The following ROCK1 variants were observed in gnomAD, a reference collection of about 807,000 sequenced individuals.
ROCK1 encodes rho-associated protein kinase 1.
Under a neutral mutation model 196.8 loss-of-function variants are expected in ROCK1, and 36 were observed. The observed-to-expected ratio is 0.18, with a 90% CI of 0.14 to 0.24. The LOEUF (loss-of-function observed/expected upper bound fraction) is 0.24. Ranked by LOEUF, ROCK1 falls within the 10% of genes least tolerant of loss-of-function variation. The probability of loss-of-function intolerance (pLI) is 1.00; values close to 1 mark genes in which losing one functional copy is unlikely to be tolerated. For missense variants in ROCK1, 920 were observed against 1,562.0 expected (o/e 0.59, Z 6.93); for synonymous variants, 443 against 515.9 (o/e 0.86, Z 1.91).
intron 1 of ROCK1, among the ~76,000 whole-genome samples, chr18:21,075,330 G>A (rs1301151233): frequency 6.6e-6 from 1 of 152,168 alleles, no homozygotes; most frequent in Non-Finnish European, 1.5e-5. Context: ...AAGAGGAACA[G>A]GAAGGGTTGA....
chr18:21,098,635 C>CAA (rs56405711), intron 1 of ROCK1, among the ~76,000 whole-genome samples: 1,801 of 140,950 alleles, frequency 0.013, 38 homozygotes, highest in African/African-American at 0.044. Context: ...TGAAAAATTG[C>CAA]AAAAAAAAAA....
At chr18:21,033,386 G>A (rs552224046) in intron 9 of ROCK1, among the ~76,000 whole-genome samples, 14 of 152,112 alleles carry the variant, frequency 9.2e-5, no homozygotes, top group African/African-American at 2.7e-4. Flanking sequence ...TATATTCAGC[G>A]GTGAAAGACT....
At chr18:20,955,388 C>T (rs1203571255) in intron 29 of ROCK1, 143 bp from the exon 30 acceptor site, 3 of 986,588 alleles carry the variant, frequency 3.0e-6, no homozygotes, top group Admixed American at 3.3e-5. Context: ...AAATTAAAAC[C>T]ACAATAAGTG....
chr18:20,987,241 A>C (rs2035586079), intron 18 of ROCK1, 131 bp from the exon 19 acceptor site: 3 of 712,064 alleles, frequency 4.2e-6, no homozygotes, highest in African/African-American at 1.8e-5. Flanking sequence ...AGAGCTAGTA[A>C]TTATAGAAAT....
intron 2 of ROCK1, among the ~76,000 whole-genome samples, chr18:21,058,121 T>C (rs2036259680): frequency 6.6e-6 from 1 of 152,174 alleles, no homozygotes; most frequent in Non-Finnish European, 1.5e-5. Flanking sequence ...CATAATTATA[T>C]ACTGATACAC....
intron 2 of ROCK1, among the ~76,000 whole-genome samples, chr18:21,057,123 C>A (rs1016693206): frequency 1.8e-4 from 27 of 152,200 alleles, no homozygotes; most frequent in African/African-American, 5.6e-4. Context: ...AATCACAAAT[C>A]TGGTAAGTCT....
At chr18:20,972,442 G>T (rs1216647765) in intron 22 of ROCK1, among the ~76,000 whole-genome samples, 1 of 152,132 alleles carries the variant, frequency 6.6e-6, no homozygotes, top group Non-Finnish European at 1.5e-5. Context: ...ATTCAAGGGA[G>T]GATGTACTTG....
intron 18 of ROCK1, among the ~76,000 whole-genome samples, chr18:20,990,693 CAAAAAAAAAAA>C (rs1170099682): frequency 3.1e-4 from 7 of 22,584 alleles, no homozygotes; most frequent in Non-Finnish European, 5.8e-4. Flanking sequence ...AACTTCGTCT[CAAAAAAAAAAA>C]AAAAAAAAAA....
At chr18:20,971,591 G>A (rs1366227856) in intron 22 of ROCK1, among the ~76,000 whole-genome samples, 2 of 151,552 alleles carry the variant, frequency 1.3e-5, no homozygotes, top group East Asian at 3.9e-4. Context: ...CAAAAAATTA[G>A]CCAGGTGTGG....
chr18:21,032,139 T>C (rs1159410445), intron 9 of ROCK1, among the ~76,000 whole-genome samples: 3 of 152,008 alleles, frequency 2.0e-5, no homozygotes. Flanking sequence ...TATGAAAAAC[T>C]CCAAAAGCTC....
At chr18:21,043,253 C>T (rs1345626464) in intron 6 of ROCK1, among the ~76,000 whole-genome samples, 1 of 151,968 alleles carries the variant, frequency 6.6e-6, no homozygotes, top group South Asian at 2.1e-4. Flanking sequence ...CAAATACAAA[C>T]TGGGGAAGCA....
At chr18:20,953,342 C>T in intron 32 of ROCK1, 2 of 354,534 alleles carry the variant, frequency 5.6e-6, no homozygotes, top group Non-Finnish European at 1.0e-5. Flanking sequence ...CCATGTACAG[C>T]AACTTATGAC....
chr18:21,010,607 A>G (rs1273144436), intron 13 of ROCK1, among the ~76,000 whole-genome samples: 1 of 152,060 alleles, frequency 6.6e-6, no homozygotes, highest in Non-Finnish European at 1.5e-5. Flanking sequence ...AGTGCTTTCA[A>G]ATGTGTTTGT....
chr18:21,036,705 G>A (rs1470869137), intron 9 of ROCK1, among the ~76,000 whole-genome samples: 9 of 152,042 alleles, frequency 5.9e-5, no homozygotes, highest in Non-Finnish European at 1.2e-4. Context: ...GCCTCCCAAA[G>A]TGCTGAGATG....
intron 22 of ROCK1, among the ~76,000 whole-genome samples, chr18:20,977,978 T>A (rs2035495425): frequency 6.6e-6 from 1 of 152,186 alleles, no homozygotes; most frequent in African/African-American, 2.4e-5. Context: ...AATTAGTATG[T>A]TTATACCCGC....
chr18:21,027,801 G>A (rs535268499), intron 10 of ROCK1, among the ~76,000 whole-genome samples: 21 of 110,616 alleles, frequency 1.9e-4, no homozygotes, highest in African/African-American at 6.5e-4. Context: ...TCGCTCTGTC[G>A]CCCAGGCTGG....
chr18:21,093,387 T>A (rs1282519550), intron 1 of ROCK1, among the ~76,000 whole-genome samples: 4 of 152,154 alleles, frequency 2.6e-5, no homozygotes, highest in African/African-American at 9.7e-5. Flanking sequence ...TACTCTATTG[T>A]TTTTGTGAAG....
chr18:21,111,319 G>T lies in ROCK1; in HGVS notation c.-409C>A. ...GGTGGAGACTCCCTCCGGGCAACAA[G>T]GGAGGGAGAAGAGGAAAGGCGAAAG... On this transcript the variant is annotated 5_prime_UTR_variant, in exon 1 of 33. Transcript: ENST00000399799. This position sits in a 1 kb window ranked among gnomAD's most constrained non-coding sequence, Gnocchi z 4.2. 1 of 455,034 alleles carries T rather than the reference G, an allele frequency of 2.2e-6. No individual in the cohort carries two copies. The highest frequency in any genetic ancestry group is 3.8e-6 in the Non-Finnish European group (1 of 260,222). 28.2% of individuals were successfully genotyped at this position (455,034 alleles called of 1,614,324 possible). A position where few individuals can be genotyped will look rare whatever the true frequency, so the allele number is the denominator to read the frequency against.
chr18:21,020,275 T>A (rs2035903157), intron 11 of ROCK1, 36 bp from the exon 12 acceptor site: 2 of 1,132,632 alleles, frequency 1.8e-6, no homozygotes, highest in Non-Finnish European at 2.5e-6. Context: ...CTCATTCTAC[T>A]AAGAATATTT....
Sources: gnomAD v4.1 joint callset for allele counts (sites outside exome capture counted in the v4.1 genomes callset) on GRCh38, gnomAD v4.1.1 for gene constraint, Gnocchi (gnomAD v3.1) non-coding constraint, MANE v1.5 for transcripts, NCBI Gene and HGNC (gene_info 2026-07-23, HGNC 2026-07-21) for gene names.